The following RBFOX1 variants were observed in gnomAD, a reference collection of about 807,000 sequenced individuals.
The protein encoded by RBFOX1 is RNA binding protein fox-1 homolog 1.
A neutral mutation model predicts 57.7 loss-of-function variants in RBFOX1; 8 were observed. That is an observed-to-expected ratio of 0.14 (90% CI 0.08 to 0.25). The LOEUF is 0.25. RBFOX1 is among the 10% of genes least tolerant of loss of function. RBFOX1 has a pLI of 1.00. For missense variants in RBFOX1, 611 were observed against 548.5 expected (o/e 1.11, Z -1.14); for synonymous variants, 326 against 222.4 (o/e 1.47, Z -4.15).
chr16:6,459,769 G>A (rs890373959), intron 2 of RBFOX1, among the ~76,000 whole-genome samples: 4 of 151,718 alleles, frequency 2.6e-5, no homozygotes, highest in Non-Finnish European at 5.9e-5. Context: ...CTGAGATTGG[G>A]AGTTTGAGAC....
chr16:5,670,929 T>C (rs1390870976), intron 3 of RBFOX1, among the ~76,000 whole-genome samples: 3 of 152,244 alleles, frequency 2.0e-5, no homozygotes, highest in Non-Finnish European at 2.9e-5. Flanking sequence ...GATGAAGATA[T>C]TGAGGCTCAG....
At chr16:6,436,415 G>T (rs1292479517) in intron 2 of RBFOX1, among the ~76,000 whole-genome samples, 29 of 151,436 alleles carry the variant, frequency 1.9e-4, no homozygotes, top group Admixed American at 1.9e-3. Flanking sequence ...CAGAAAACAG[G>T]TATTTAATTC....
At chr16:6,905,397 A>G (rs1028605096) in intron 3 of RBFOX1, among the ~76,000 whole-genome samples, 1 of 152,080 alleles carries the variant, frequency 6.6e-6, no homozygotes, top group African/African-American at 2.4e-5. Context: ...TACTAAAAAT[A>G]CAAAAATTAA....
Position 6,560,174 on chromosome 16 carries a change from CAAAAAAA to C in RBFOX1, c.-63-94415_-63-94409del, listed in dbSNP as rs5815323. Among the ~76,000 whole-genome samples, 287 of 121,468 alleles carry C rather than the reference CAAAAAAA, an allele frequency of 2.4e-3. 2 individuals are homozygous for C. The highest frequency in any genetic ancestry group is 8.0e-3 in the African/African-American group (272 of 34,058). The allele number at this position is 121,468 out of a possible 152,430, so 79.7% of individuals were successfully genotyped here. A position where few individuals can be genotyped will look rare whatever the true frequency, so the allele number is the denominator to read the frequency against. Reference sequence around the variant, plus strand: ...GGTAATCAATTCGTTTGCCATTTATCAAAAAAAAAAAAAAAAAAAAGTCAAGCCCTCA... The same window carrying C: ...GGTAATCAATTCGTTTGCCATTTATCAAAAAAAAAAAAAGTCAAGCCCTCA... On this transcript the variant is annotated intron_variant, in intron 2 of 15. Transcript: ENST00000550418.
chr16:6,599,653 C>G (rs575159053), intron 2 of RBFOX1, among the ~76,000 whole-genome samples: 25 of 152,272 alleles, frequency 1.6e-4, no homozygotes, highest in African/African-American at 5.3e-4. Context: ...TAATACTATT[C>G]AGCAGCCATA....
chr16:6,301,043 C>G (rs2078762539), intron 1 of RBFOX1, among the ~76,000 whole-genome samples: 1 of 151,852 alleles, frequency 6.6e-6, no homozygotes, highest in African/African-American at 2.4e-5. Context: ...CATTATGTTC[C>G]TTTGAAAAAC....
intron 3 of RBFOX1, among the ~76,000 whole-genome samples, chr16:6,714,696 G>T (rs2064416119): frequency 6.6e-6 from 1 of 152,100 alleles, no homozygotes; most frequent in Admixed American, 6.5e-5. Context: ...AATTGGTGGG[G>T]CCCTGGAGTG....
At chr16:7,144,130 A>G (rs2074410655) in intron 4 of RBFOX1, among the ~76,000 whole-genome samples, 1 of 152,194 alleles carries the variant, frequency 6.6e-6, no homozygotes, top group Non-Finnish European at 1.5e-5. Context: ...GTAATAGATC[A>G]TGAATATCTC....
intron 2 of RBFOX1, among the ~76,000 whole-genome samples, chr16:5,544,361 C>G (rs955967418): frequency 1.3e-5 from 2 of 152,048 alleles, no homozygotes; most frequent in Non-Finnish European, 1.5e-5. Context: ...AAATTAGAAG[C>G]TATTTTGAAT....
At chr16:7,293,071 C>T (rs960149826) in intron 4 of RBFOX1, among the ~76,000 whole-genome samples, 2 of 152,200 alleles carry the variant, frequency 1.3e-5, no homozygotes, top group Admixed American at 6.5e-5. Flanking sequence ...CTAGAATAGC[C>T]AAATGTCATT....
chr16:7,335,497 T>G (rs1286825778), intron 4 of RBFOX1, among the ~76,000 whole-genome samples: 3 of 151,978 alleles, frequency 2.0e-5, no homozygotes, highest in Non-Finnish European at 4.4e-5. Flanking sequence ...CAAGAGATTT[T>G]GTGGCAGAGT....
chr16:5,590,878 G>C (rs1223488948), intron 2 of RBFOX1, among the ~76,000 whole-genome samples: 1 of 152,150 alleles, frequency 6.6e-6, no homozygotes, highest in Non-Finnish European at 1.5e-5. Flanking sequence ...CTGGTGGCTT[G>C]CATGCTGTTT....
chr16:6,750,446 C>T (rs1250275571), intron 3 of RBFOX1, among the ~76,000 whole-genome samples: 2 of 152,150 alleles, frequency 1.3e-5, no homozygotes, highest in Non-Finnish European at 2.9e-5. Flanking sequence ...TGTTTTCAGT[C>T]TACCAAAACA....
intron 11 of RBFOX1, among the ~76,000 whole-genome samples, chr16:7,645,512 A>T (rs1320937190): frequency 1.3e-5 from 2 of 152,202 alleles, no homozygotes; most frequent in East Asian, 3.9e-4. Context: ...GACTGCAGCA[A>T]CAAGCAGCTG....
chr16:7,358,286 GA>G (rs368597079), intron 4 of RBFOX1, among the ~76,000 whole-genome samples: 23 of 152,186 alleles, frequency 1.5e-4, no homozygotes, highest in African/African-American at 5.5e-4. Flanking sequence ...CCGTGCCACC[GA>G]AAGGGACAGG....
At chr16:7,078,200 G>T (rs1471643531) in intron 4 of RBFOX1, among the ~76,000 whole-genome samples, 2 of 152,196 alleles carry the variant, frequency 1.3e-5, no homozygotes, top group Non-Finnish European at 2.9e-5. Flanking sequence ...GGAGAAAGGA[G>T]CATTGAATAG....
intron 2 of RBFOX1, among the ~76,000 whole-genome samples, chr16:5,569,438 CTTTTTTTTTTTTTT>C (rs796279138): frequency 0.014 from 692 of 49,244 alleles, 13 homozygotes; most frequent in African/African-American, 0.037. Context: ...AAGAAGTAAC[CTTTTTTTTTTTTTT>C]TTTTTTTTTT....
intron 4 of RBFOX1, among the ~76,000 whole-genome samples, chr16:7,178,765 T>C (rs1435538779): frequency 1.3e-5 from 2 of 152,178 alleles, no homozygotes; most frequent in African/African-American, 4.8e-5. Context: ...GTCAAGCACA[T>C]TATACTGACC....
intron 4 of RBFOX1, among the ~76,000 whole-genome samples, chr16:7,177,858 A>G (rs2081981016): frequency 6.6e-6 from 1 of 152,228 alleles, no homozygotes; most frequent in African/African-American, 2.4e-5. Flanking sequence ...CTTTAGTTAC[A>G]AAAGCAGACA....
Sources: allele counts gnomAD v4.1 joint callset (sites outside exome capture counted in the v4.1 genomes callset), GRCh38; gene constraint gnomAD v4.1.1; transcripts MANE v1.5; gene names NCBI Gene and HGNC (gene_info 2026-07-23, HGNC 2026-07-21).